Variants in DCUN1D2 observed in about 807,000 individuals in gnomAD.
DCUN1D2 encodes defective in cullin neddylation 1 domain containing 2.
Under a neutral mutation model 30.9 loss-of-function variants are expected in DCUN1D2, and 29 were observed. That is an observed-to-expected ratio of 0.94 (90% CI 0.70 to 1.28). The LOEUF is 1.28. Ranked by LOEUF, DCUN1D2 falls within the 50% of genes most tolerant of loss-of-function variation. The pLI is 0.00. For synonymous variants in DCUN1D2, 121 were observed against 115.3 expected (o/e 1.05, Z -0.32); for missense variants, 325 against 316.9 (o/e 1.03, Z -0.19).
intron 4 of DCUN1D2, among the ~76,000 whole-genome samples, chr13:113,471,036 A>G (rs2044501990): frequency 6.7e-6 from 1 of 149,726 alleles, no homozygotes; most frequent in Admixed American, 6.6e-5. Flanking sequence ...CCAACTCCAC[A>G]GGGGACCCAA....
chr13:113,485,822 C>T (rs1045822843), intron 1 of DCUN1D2, among the ~76,000 whole-genome samples: 9 of 152,082 alleles, frequency 5.9e-5, no homozygotes, highest in East Asian at 5.8e-4. Context: ...ACTACCTTCC[C>T]GAGCGTCCTA....
chr13:113,480,518 T>G (rs2044689601), intron 3 of DCUN1D2, 57 bp downstream of exon 3: 2 of 1,590,824 alleles, frequency 1.3e-6, no homozygotes, highest in Admixed American at 1.7e-5. Flanking sequence ...TGCTGAAAAA[T>G]AATGTTAGAA....
At chr13:113,467,392 G>A (rs181127675) in intron 4 of DCUN1D2, among the ~76,000 whole-genome samples, 11 of 152,148 alleles carry the variant, frequency 7.2e-5, no homozygotes, top group East Asian at 5.8e-4. Flanking sequence ...TGTGATCACC[G>A]GTGTAGTCTG....
intron 4 of DCUN1D2, among the ~76,000 whole-genome samples, chr13:113,465,510 A>C (rs187146986): frequency 5.6e-4 from 85 of 150,950 alleles, no homozygotes; most frequent in African/African-American, 1.9e-3. Context: ...AAAAAAAAAA[A>C]AACAAACAAA....
In DCUN1D2 at chr13:113,471,213, C is replaced by A. The variant is rs375150915; in HGVS notation, c.520+2911G>T. 1.9e-4 allele frequency among the ~76,000 whole-genome samples: 28 copies of A among 147,386 alleles called. No homozygotes were observed. In the East Asian group the frequency reaches 3.1e-3, roughly 16 times the overall value. ...CAGGGGACCCAACTCCACAGAAGAC[C>A]CAACTCCACAGGGGACCCAACTCCA... On this transcript the variant is annotated intron_variant, in intron 4 of 6. Transcript: ENST00000478244.
At chr13:113,467,499 C>CAAA (rs58117378) in intron 4 of DCUN1D2, among the ~76,000 whole-genome samples, 2 of 131,890 alleles carry the variant, frequency 1.5e-5, no homozygotes, top group African/African-American at 5.4e-5. Context: ...GACACCACTG[C>CAAA]AAAAAAAAAA....
At chr13:113,482,107 A>G (rs1043811245) in intron 2 of DCUN1D2, among the ~76,000 whole-genome samples, 1 of 152,234 alleles carries the variant, frequency 6.6e-6, no homozygotes, top group Admixed American at 6.5e-5. Flanking sequence ...TTTCATTACA[A>G]CCGTGTTCAA....
At chr13:113,464,055 A>G (rs1472621299) in intron 4 of DCUN1D2, among the ~76,000 whole-genome samples, 1 of 152,224 alleles carries the variant, frequency 6.6e-6, no homozygotes, top group Non-Finnish European at 1.5e-5. Flanking sequence ...TGTTTTTAAA[A>G]AGCCCTCAAA....
chr13:113,472,802 G>C (rs573085185), intron 4 of DCUN1D2, among the ~76,000 whole-genome samples: 4 of 152,196 alleles, frequency 2.6e-5, no homozygotes, highest in African/African-American at 9.7e-5. Context: ...AGCAGACACC[G>C]CTACTGTCAC....
intron 4 of DCUN1D2, among the ~76,000 whole-genome samples, chr13:113,466,876 G>A (rs188528082): frequency 0.019 from 2,804 of 147,664 alleles, 83 homozygotes; most frequent in East Asian, 0.088. Context: ...GCACGATCTC[G>A]GCTCACTGCA....
At chr13:113,476,023 C>T (rs969901246) in intron 3 of DCUN1D2, 2 of 152,204 alleles carry the variant, frequency 1.3e-5, no homozygotes, top group African/African-American at 4.8e-5. Flanking sequence ...TTGTGATGTC[C>T]GAGAGGTTCG....
intron 4 of DCUN1D2, among the ~76,000 whole-genome samples, chr13:113,462,329 G>A (rs1334566846): frequency 3.3e-5 from 5 of 151,648 alleles, no homozygotes; most frequent in African/African-American, 1.2e-4. Context: ...TAATCATGTT[G>A]AATAGTGTTC....
chr13:113,474,927 T>C (rs552496569), intron 3 of DCUN1D2, among the ~76,000 whole-genome samples: 2 of 152,364 alleles, frequency 1.3e-5, no homozygotes, highest in South Asian at 4.1e-4. Flanking sequence ...CACAGCTCTA[T>C]GTTGTTTTAG....
At chr13:113,486,673 A>G in intron 1 of DCUN1D2, among the ~76,000 whole-genome samples, 1 of 152,220 alleles carries the variant, frequency 6.6e-6, no homozygotes, top group East Asian at 1.9e-4. Flanking sequence ...TCCGCCCTCC[A>G]GGAAAACATA....
chr13:113,487,611 A>G (rs1488075313), intron 1 of DCUN1D2, among the ~76,000 whole-genome samples: 7 of 152,232 alleles, frequency 4.6e-5, no homozygotes, highest in South Asian at 2.1e-4. Flanking sequence ...TTCCAGCCAC[A>G]CAGTGTACGA....
chr13:113,472,856 C>T (rs2139708696), intron 4 of DCUN1D2, among the ~76,000 whole-genome samples: 1 of 152,328 alleles, frequency 6.6e-6, no homozygotes, highest in East Asian at 1.9e-4. Flanking sequence ...GGGCCTTGCA[C>T]AGCAGGTACT....
intron 4 of DCUN1D2, among the ~76,000 whole-genome samples, chr13:113,472,540 A>G (rs1340669527): frequency 6.6e-6 from 1 of 152,318 alleles, no homozygotes; most frequent in Middle Eastern, 3.4e-3. Flanking sequence ...GGACATGAAC[A>G]ATAAACTGAC....
intron 3 of DCUN1D2, 150 bp from the exon 4 acceptor site, chr13:113,474,404 T>A: frequency 1.9e-6 from 2 of 1,027,852 alleles, no homozygotes; most frequent in Non-Finnish European, 2.8e-6. Flanking sequence ...CCTAAGGCTC[T>A]AAGTGATGAT....
At chr13:113,471,295 G>T (rs2044510246) in intron 4 of DCUN1D2, among the ~76,000 whole-genome samples, 2 of 146,546 alleles carry the variant, frequency 1.4e-5, no homozygotes, top group Non-Finnish European at 3.0e-5. Flanking sequence ...CTCCACAGAA[G>T]ACACAACTCC....
Sources: allele counts gnomAD v4.1 joint callset (sites outside exome capture counted in the v4.1 genomes callset), GRCh38; gene constraint gnomAD v4.1.1; transcripts MANE v1.5; gene names NCBI Gene and HGNC (gene_info 2026-07-23, HGNC 2026-07-21).